The following SH3YL1 variants were observed in gnomAD, a reference collection of about 807,000 sequenced individuals.
SH3YL1 encodes the protein SH3 and SYLF domain containing 1, also known as SH3 domain-containing YSC84-like protein 1.
Under a neutral mutation model 45.8 loss-of-function variants are expected in SH3YL1, and 41 were observed. The observed-to-expected ratio is 0.89, with a 90% confidence interval of 0.70 to 1.16. SH3YL1 has a LOEUF of 1.16. Ranked by LOEUF, SH3YL1 falls within the 50% of genes most tolerant of loss-of-function variation. The probability of loss-of-function intolerance (pLI) is 0.00; values close to 1 mark genes in which losing one functional copy is unlikely to be tolerated. For synonymous variants in SH3YL1, 152 were observed against 151.4 expected, an observed-to-expected ratio of 1.00 and a Z score of -0.03; for missense variants, 389 against 409.6, an observed-to-expected ratio of 0.95 and a Z score of 0.43.
chr2:225,236 C>T (rs994511171), intron 8 of SH3YL1, among the ~76,000 whole-genome samples: 3 of 152,214 alleles, frequency 2.0e-5, no homozygotes, highest in Non-Finnish European at 4.4e-5. Context: ...AAACAGAAAT[C>T]ACTGATTCAT....
chr2:254,972 G>C lies in SH3YL1; in HGVS notation c.2-1857C>G, dbSNP rs116460222. On this transcript the variant is annotated intron_variant, in intron 1 of 9. Transcript: ENST00000356150. ...GGAAGCCCCCTACCCACTTCAAGTT[G>C]TCCCGCCTTTCTGGATCTAATCAAT... Among the ~76,000 whole-genome samples, 959 of 152,284 alleles carry C rather than the reference G, an allele frequency of 6.3e-3. 12 individuals carry two copies. The highest frequency in any genetic ancestry group is 0.022 in the African/African-American group (902 of 41,534).
rs946837703 is a variant in SH3YL1 at position 235,371 on chromosome 2, G to C, written c.292-1099C>G. On this transcript the variant is annotated intron_variant, in intron 4 of 9. Coordinates refer to ENST00000356150, the MANE Select transcript of SH3YL1 (RefSeq NM_015677.4). ...TCAGGGGAGGCAGCATGGGCCAGGGGAGGCAGCAGCATGGGCCAGGGGAGG... is the reference window on the plus strand; with the variant it reads ...TCAGGGGAGGCAGCATGGGCCAGGGCAGGCAGCAGCATGGGCCAGGGGAGG... Among the ~76,000 whole-genome samples, 3 of 151,220 alleles carry C rather than the reference G, an allele frequency of 2.0e-5. 1 individual carries two copies. Among genetic ancestry groups the C allele is most frequent in the African/African-American group, 7.3e-5 (3 of 41,088 alleles).
At chr2:222,546 G>A (rs1282536964) in intron 9 of SH3YL1, 1 of 152,272 alleles carries the variant, frequency 6.6e-6, no homozygotes, top group Non-Finnish European at 1.5e-5. Flanking sequence ...AGACAACTAT[G>A]GGATGGGTAA....
chr2:237,529 A>C (rs905671989), intron 4 of SH3YL1, among the ~76,000 whole-genome samples: 6 of 152,078 alleles, frequency 3.9e-5, no homozygotes, highest in Non-Finnish European at 8.8e-5. Flanking sequence ...AAACCCTGTA[A>C]GCATTTGATA....
At chr2:223,552 C>T (rs924276069) in intron 9 of SH3YL1, among the ~76,000 whole-genome samples, 21 of 152,246 alleles carry the variant, frequency 1.4e-4, no homozygotes, top group Non-Finnish European at 2.6e-4. Flanking sequence ...TAGGTGTTTA[C>T]GCTGTCTTGG....
chr2:253,533 G>C (rs1299127651), intron 1 of SH3YL1, among the ~76,000 whole-genome samples: 4 of 152,280 alleles, frequency 2.6e-5, no homozygotes, highest in African/African-American at 9.6e-5. Context: ...GCAACATCAG[G>C]AAGTTACCCT....
intron 9 of SH3YL1, among the ~76,000 whole-genome samples, chr2:219,289 G>T (rs1454460058): frequency 6.6e-6 from 1 of 152,170 alleles, no homozygotes; most frequent in Non-Finnish European, 1.5e-5. Context: ...AGTCATTGCT[G>T]TGGTCTGAAT....
At position 231,049 on chromosome 2, in the gene SH3YL1, C is replaced by CT. The variant is rs1668013484; in HGVS notation, c.675dup (p.Ala226SerfsTer11). The CT allele has an allele frequency of 6.2e-7, 1 of 1,613,994 alleles. No individual in the cohort carries two copies. The highest frequency in any genetic ancestry group is 1.7e-5 in the Admixed American group (1 of 59,998). On this transcript the variant is annotated frameshift_variant, in exon 7 of 10. Transcript: ENST00000356150. LOFTEE classifies it high-confidence loss of function. Reference sequence around the variant, plus strand: ...GAAGACTTCCTCTGCTCCCTTGCTGCTTTTCTTGCATTGATTCGTTGTCCT... The same window carrying CT: ...GAAGACTTCCTCTGCTCCCTTGCTGCTTTTTCTTGCATTGATTCGTTGTCCT...
In SH3YL1 at chr2:234,140, C is replaced by CATCT. The variant is rs746449230; in HGVS notation, c.404+16_404+19dup. ...CAGTTGTTAAACCTTTACTGTCTAA[C>CATCT]ATCTATTTAAAGAACTCACCTTCCC... On this transcript the variant is annotated intron_variant, in intron 5 of 9. Coordinates refer to ENST00000356150, the MANE Select transcript of SH3YL1 (RefSeq NM_015677.4). 3.9e-6 allele frequency: 6 copies of CATCT among 1,549,646 alleles called. No homozygotes were observed. In the South Asian group the frequency reaches 6.9e-5, roughly 18 times the overall value.
At chr2:263,251 C>T (rs1669668372) in intron 1 of SH3YL1, 1 of 155,020 alleles carries the variant, frequency 6.5e-6, no homozygotes, top group African/African-American at 2.4e-5. Flanking sequence ...CACTTTCCAA[C>T]TCAGCCTCCA....
intron 6 of SH3YL1, among the ~76,000 whole-genome samples, chr2:231,619 A>AT (rs1257225516): frequency 6.6e-6 from 1 of 152,156 alleles, no homozygotes; most frequent in Non-Finnish European, 1.5e-5. Flanking sequence ...TAAAATATTT[A>AT]TTTTTATCAA....
chr2:220,066 T>C (rs1487379268), intron 9 of SH3YL1, among the ~76,000 whole-genome samples: 2 of 151,516 alleles, frequency 1.3e-5, no homozygotes, highest in African/African-American at 4.9e-5. Context: ...CTCAGCTACA[T>C]GGAGTCTGAT....
intron 9 of SH3YL1, among the ~76,000 whole-genome samples, chr2:223,678 A>C (rs1036876550): frequency 2.6e-5 from 4 of 152,182 alleles, no homozygotes; most frequent in Non-Finnish European, 5.9e-5. Flanking sequence ...ATGTCTCTTT[A>C]ACATGGCCTG....
chr2:260,727 T>C (rs888844528), intron 1 of SH3YL1: 3 of 152,244 alleles, frequency 2.0e-5, no homozygotes, highest in Non-Finnish European at 4.4e-5. Context: ...TAGACTAGAT[T>C]TTCTGATACA....
intron 8 of SH3YL1, among the ~76,000 whole-genome samples, chr2:226,744 T>C (rs924525706): frequency 6.6e-6 from 1 of 151,772 alleles, no homozygotes; most frequent in Non-Finnish European, 1.5e-5. Flanking sequence ...GACTTGGGAA[T>C]GTTATTGGGG....
At chr2:230,245 G>A (rs1490833866) in intron 7 of SH3YL1, 9 of 406,284 alleles carry the variant, frequency 2.2e-5, no homozygotes, top group African/African-American at 1.4e-4. Flanking sequence ...GACAGGGTGT[G>A]CTCTTCTCAT....
At chr2:224,405 G>A (rs1667706696) in intron 9 of SH3YL1, among the ~76,000 whole-genome samples, 1 of 152,206 alleles carries the variant, frequency 6.6e-6, no homozygotes, top group Non-Finnish European at 1.5e-5. Flanking sequence ...AATGGAATAA[G>A]GATGAAATTG....
intron 5 of SH3YL1, 22 bp downstream of exon 5, chr2:234,138 A>G: frequency 1.3e-6 from 2 of 1,538,444 alleles, no homozygotes; most frequent in Non-Finnish European, 1.8e-6. Flanking sequence ...TTTACTGTCT[A>G]ACATCTATTT....
chr2:241,412 C>G (rs767790123), intron 4 of SH3YL1: 1 of 151,984 alleles, frequency 6.6e-6, no homozygotes, highest in Non-Finnish European at 1.5e-5. Context: ...ACCTGGGACA[C>G]CATTAGGTGC....
Sources: gnomAD v4.1 joint callset for allele counts (sites outside exome capture counted in the v4.1 genomes callset) on GRCh38, gnomAD v4.1.1 for gene constraint, MANE v1.5 for transcripts, NCBI Gene and HGNC (gene_info 2026-07-23, HGNC 2026-07-21) for gene names.